Variants in DPF1 observed in about 807,000 individuals in gnomAD.
DPF1 encodes zinc finger protein neuro-d4.
A neutral mutation model predicts 58.7 loss-of-function variants in DPF1; 14 were observed. The ratio of observed to expected loss-of-function variants is 0.24; its 90% CI spans 0.16 to 0.37. The LOEUF (loss-of-function observed/expected upper bound fraction) is 0.37, where lower values mean the gene tolerates loss of function less well. DPF1 is among the 10% of genes least tolerant of loss of function. The probability of loss-of-function intolerance (pLI) is 1.00; values close to 1 mark genes in which losing one functional copy is unlikely to be tolerated. For missense variants in DPF1, 345 were observed against 529.9 expected (o/e 0.65, Z 3.43); for synonymous variants, 216 against 216.0 (o/e 1.00, Z 0.00).
Position 38,211,115 on chromosome 19 carries a change from G to A in DPF1, c.*948C>T, listed in dbSNP as rs902098286. On this transcript the variant is annotated 3_prime_UTR_variant, in exon 12 of 12. Transcript: ENST00000355526. The surrounding 1 kb of genome is among the most constrained non-coding windows in gnomAD (Gnocchi z 4.0). Reference sequence around the variant, plus strand: ...CAAGTGAGGGGGCACTCCTGGATTAGGGGACATCCCCCCAAAACCCACCAC... The same window carrying A: ...CAAGTGAGGGGGCACTCCTGGATTAAGGGACATCCCCCCAAAACCCACCAC... 4 of 152,782 alleles carry A rather than the reference G, an allele frequency of 2.6e-5. No individual in the cohort carries two copies. The highest frequency in any genetic ancestry group is 4.8e-5 in the African/African-American group (2 of 41,478). 9.5% of individuals were successfully genotyped at this position (152,782 alleles called of 1,614,324 possible).
chr19:38,225,889 C>CAA (rs35172798), upstream of DPF1, among the ~76,000 whole-genome samples: 26,336 of 128,188 alleles, frequency 0.21, 2,591 homozygotes, highest in South Asian at 0.25. Context: ...ACCCTGTCTC[C>CAA]AAAAAAAAAA....
intron 4 of DPF1, 25 bp downstream of exon 4, chr19:38,218,906 G>T: frequency 6.2e-7 from 1 of 1,613,098 alleles, no homozygotes. Flanking sequence ...GCCATGCAGC[G>T]GGGGTCCCCC....
chr19:38,227,421 G>T (rs1967877995), upstream of DPF1, among the ~76,000 whole-genome samples: 1 of 151,722 alleles, frequency 6.6e-6, no homozygotes, highest in Non-Finnish European at 1.5e-5. Flanking sequence ...GACACTTGCA[G>T]CGGGCTCTCC....
chr19:38,213,594 G>T, intron 10 of DPF1, 50 bp downstream of exon 10: 1 of 1,527,160 alleles, frequency 6.5e-7, no homozygotes, highest in Non-Finnish European at 9.0e-7. Flanking sequence ...AGAGGTGGAC[G>T]TGCCAGGCGG....
At chr19:38,212,425 G>A (rs1031825710) in intron 10 of DPF1, 64 bp from the exon 11 acceptor site, 2 of 622,684 alleles carry the variant, frequency 3.2e-6, no homozygotes, top group Non-Finnish European at 5.6e-6. Context: ...GGGGGTGGGG[G>A]GCTGGGGCAG....
rs747092147 is a variant in DPF1 at position 38,222,736 on chromosome 19, C to T, written c.30-28G>A. On this transcript the variant is annotated intron_variant, in intron 1 of 11. Coordinates refer to ENST00000355526, the MANE Select transcript of DPF1 (RefSeq NM_001135155.3). The surrounding 1 kb of genome is among the most constrained non-coding windows in gnomAD (Gnocchi z 4.9). ...AGAGGGGCGGCGAACGGGCGGGCGG[C>T]TGTCAGCAAGGGCAGGCGCACAGGG... 6.4e-7 allele frequency: 1 copy of T among 1,553,998 alleles called. No homozygotes were observed. Among genetic ancestry groups the T allele is most frequent in the Non-Finnish European group, 8.7e-7 (1 of 1,150,536 alleles).
rs1257595154 is a variant in DPF1 at position 38,216,124 on chromosome 19, A to C, written c.898+16T>G. The C allele has an allele frequency of 1.2e-6, 2 of 1,602,986 alleles. No homozygotes were observed. The highest frequency in any genetic ancestry group is 3.4e-5 in the Admixed American group (2 of 59,284). On this transcript the variant is annotated intron_variant, in intron 9 of 11. Transcript: ENST00000355526. ...TCTGCACCCGGCCCCCAGAAACCTC[A>C]GGTGGGGAGCATCACCTGATCGCCC...
At chr19:38,220,678 A>G (rs758826118) in intron 3 of DPF1, among the ~76,000 whole-genome samples, 1 of 152,168 alleles carries the variant, frequency 6.6e-6, no homozygotes, top group Non-Finnish European at 1.5e-5. Context: ...AGCCCTCCAG[A>G]TACACCTAGA....
At position 38,212,266 on chromosome 19, in the gene DPF1, A is replaced by G. The variant is rs1012922542; in HGVS notation, c.1093+14T>C. 1.2e-4 allele frequency: 70 copies of G among 581,838 alleles called. No individual in the cohort carries two copies. The highest frequency in any genetic ancestry group is 1.7e-4 in the Non-Finnish European group (68 of 391,388). 36.0% of individuals were successfully genotyped at this position (581,838 alleles called of 1,614,324 possible). On this transcript the variant is annotated intron_variant, in intron 11 of 11. Transcript: ENST00000355526. ...CACCCACCCGCCCCATGGGATGCCC[A>G]CCTCTCCTCTCACCTTCCGGGGGCT...
intron 10 of DPF1, among the ~76,000 whole-genome samples, chr19:38,213,397 C>T (rs911701050): frequency 2.8e-4 from 43 of 152,264 alleles, no homozygotes; most frequent in African/African-American, 1.0e-3. Context: ...CTCTTTCCCT[C>T]TCTGAGCTCA....
Position 38,222,711 on chromosome 19 carries a change from AG to A in DPF1, c.30-4del. 6.3e-7 allele frequency: 1 copy of A among 1,584,914 alleles called. No homozygotes were observed. Among genetic ancestry groups the A allele is most frequent in the Non-Finnish European group, 8.6e-7 (1 of 1,164,944 alleles). ...CGCGGTAGAAGTCCTCGCCTAGGCTAGAGGGGCGGCGAACGGGCGGGCGGCT... is the reference window on the plus strand; with the variant it reads ...CGCGGTAGAAGTCCTCGCCTAGGCTAAGGGGCGGCGAACGGGCGGGCGGCT... On this transcript the variant is annotated splice_polypyrimidine_tract_variant and splice_region_variant and intron_variant, in intron 1 of 11. Coordinates refer to ENST00000355526, the MANE Select transcript of DPF1 (RefSeq NM_001135155.3). The surrounding 1 kb of genome is among the most constrained non-coding windows in gnomAD (Gnocchi z 4.9).
rs376320422 is a variant in DPF1 at position 38,222,749 on chromosome 19, C to T, written c.30-41G>A. On this transcript the variant is annotated intron_variant, in intron 1 of 11. Transcript: ENST00000355526. This position sits in a 1 kb window ranked among gnomAD's most constrained non-coding sequence, Gnocchi z 4.9. ...ACGGGCGGGCGGCTGTCAGCAAGGG[C>T]AGGCGCACAGGGTCGCCCAGCACCC... 33 of 1,526,840 alleles carry T rather than the reference C, an allele frequency of 2.2e-5. No homozygotes were observed. The highest frequency in any genetic ancestry group is 2.0e-4 in the African/African-American group (14 of 70,316). The allele number at this position is 1,526,840 out of a possible 1,614,324, so 94.6% of individuals were successfully genotyped here. A position where few individuals can be genotyped will look rare whatever the true frequency, so the allele number is the denominator to read the frequency against.
chr19:38,227,883 C>T (rs1434663558), upstream of DPF1: 1 of 152,356 alleles, frequency 6.6e-6, no homozygotes, highest in African/African-American at 2.4e-5. Flanking sequence ...CACCTTCACC[C>T]CCACAGAGAC....
chr19:38,217,313 A>G, intron 7 of DPF1, 147 bp downstream of exon 7: 2 of 1,103,182 alleles, frequency 1.8e-6, no homozygotes, highest in South Asian at 1.6e-5. Flanking sequence ...CCCCGGAGCC[A>G]GCATCCCCAT....
intron 10 of DPF1, 60 bp from the exon 11 acceptor site, chr19:38,212,421 G>T (rs1973517299): frequency 3.2e-6 from 2 of 630,136 alleles, no homozygotes; most frequent in South Asian, 2.1e-5. Flanking sequence ...AAACGGGGGT[G>T]GGGGGCTGGG....
chr19:38,229,317 G>A lies in DPF1; in HGVS notation c.-132+242C>T, dbSNP rs961750304. ...AAACGGCCTCCGCCACCCCCAGCCC[G>A]CGCCGCATTCCTTCACTGACAGCGA... On this transcript the variant is annotated intron_variant, in intron 1 of 11. Transcript: ENST00000412732. The surrounding 1 kb of genome is among the most constrained non-coding windows in gnomAD (Gnocchi z 5.3). Among the ~76,000 whole-genome samples, 1 of 152,064 alleles carries A rather than the reference G, an allele frequency of 6.6e-6. No homozygotes were observed. Among genetic ancestry groups the A allele is most frequent in the Non-Finnish European group, 1.5e-5 (1 of 67,950 alleles).
chr19:38,225,922 T>C (rs1409335479), upstream of DPF1, among the ~76,000 whole-genome samples: 2 of 151,368 alleles, frequency 1.3e-5, no homozygotes, highest in Non-Finnish European at 2.9e-5. Flanking sequence ...GCTCAGTAGA[T>C]ATTTGTTGAA....
At position 38,218,976 on chromosome 19, in the gene DPF1, C is replaced by T; in HGVS notation, c.381G>A (p.Glu127=). 6.2e-7 allele frequency: 1 copy of T among 1,614,244 alleles called. No homozygotes were observed. The highest frequency in any genetic ancestry group is 8.5e-7 in the Non-Finnish European group (1 of 1,180,028). The change falls in exon 4 of 12, where the codon GAG becomes GAA. Residue 127 remains glutamate, a synonymous_variant. Transcript: ENST00000355526. The part of the protein sequence containing the change: ...LEALLCAETG[E]KKIELKEEET... ...CCTCCTCCTTCAGCTCAATCTTCTT[C>T]TCCCCCGTCTCTGCACACAGTAGAG...
rs778149710 is a variant in DPF1, at chr19:38,212,236, G to A, written c.1093+44C>T. The stretch of plus-strand genomic sequence containing the variant: ...CAGTCTTCCACAACCAGGAGATGGC[G>A]TTCCCACCCACCCGCCCCATGGGAT... On this transcript the variant is annotated intron_variant, in intron 11 of 11. Transcript: ENST00000355526. 4.1e-5 allele frequency: 52 copies of A among 1,276,420 alleles called. 1 individual carries two copies. The South Asian group carries it at 4.5e-4, about 11-fold the overall frequency. The allele number at this position is 1,276,420 out of a possible 1,614,324, so 79.1% of individuals were successfully genotyped here. A position where few individuals can be genotyped will look rare whatever the true frequency, so the allele number is the denominator to read the frequency against.
Sources: allele counts gnomAD v4.1 joint callset (sites outside exome capture counted in the v4.1 genomes callset), GRCh38; gene constraint gnomAD v4.1.1; non-coding constraint Gnocchi (gnomAD v3.1); transcripts MANE v1.5; gene names NCBI Gene and HGNC (gene_info 2026-07-23, HGNC 2026-07-21).